RBM24: variants seen among roughly 807,000 people sequenced by gnomAD.
RBM24 encodes the protein RNA binding motif protein 24, also known as RNA-binding protein 24.
Under a neutral mutation model 23.6 loss-of-function variants are expected in RBM24, and 5 were observed. The observed-to-expected ratio is 0.21, with a 90% CI of 0.11 to 0.45. The LOEUF (loss-of-function observed/expected upper bound fraction) is 0.45. RBM24 is among the 20% of genes least tolerant of loss of function. RBM24 has a pLI of 0.99. For missense variants in RBM24, 252 were observed against 314.6 expected (o/e 0.80, Z 1.51); for synonymous variants, 151 against 129.5 (o/e 1.17, Z -1.13).
chr6:17,291,386 T>C (rs1337271057), intron 3 of RBM24, among the ~76,000 whole-genome samples: 1 of 152,242 alleles, frequency 6.6e-6, no homozygotes, highest in Non-Finnish European at 1.5e-5. Flanking sequence ...TCTTATTTTA[T>C]GAACTCATTA....
chr6:17,283,350 C>G (rs1362485321), intron 2 of RBM24, among the ~76,000 whole-genome samples: 1 of 152,188 alleles, frequency 6.6e-6, no homozygotes, highest in African/African-American at 2.4e-5. Flanking sequence ...GTGCTCAGAG[C>G]AGGCAGTCTG....
chr6:17,289,660 T>A, intron 3 of RBM24: 1 of 985,410 alleles, frequency 1.0e-6, no homozygotes, highest in Non-Finnish European at 1.2e-6. Context: ...TACAAGGGGT[T>A]AAGGTTTCGG....
At chr6:17,290,736 G>A in intron 3 of RBM24, 1 of 694,848 alleles carries the variant, frequency 1.4e-6, no homozygotes, top group South Asian at 1.6e-5. Context: ...TCCTTGTTAT[G>A]TAAACCTTTT....
In RBM24 at chr6:17,281,766, G is replaced by A; in HGVS notation, c.168+17G>A. 6.5e-7 allele frequency: 1 copy of A among 1,547,302 alleles called. No individual in the cohort carries two copies. The highest frequency in any genetic ancestry group is 8.7e-7 in the Non-Finnish European group (1 of 1,144,950). ...TATGGATTTGTAAGTTGCACGGACT[G>A]GGGGTGACGGGGAGGGACGGAGTGG... On this transcript the variant is annotated intron_variant, in intron 1 of 3. Transcript: ENST00000379052. This position sits in a 1 kb window ranked among gnomAD's most constrained non-coding sequence, Gnocchi z 7.1.
chr6:17,289,234 A>G, intron 3 of RBM24: 1 of 985,452 alleles, frequency 1.0e-6, no homozygotes, highest in Non-Finnish European at 1.2e-6. Flanking sequence ...CTCCTAATTC[A>G]GGATTTCATT....
intron 3 of RBM24, among the ~76,000 whole-genome samples, chr6:17,290,634 T>A (rs1006012739): frequency 6.6e-6 from 1 of 152,238 alleles, no homozygotes; most frequent in Non-Finnish European, 1.5e-5. Flanking sequence ...GTACAAAATA[T>A]CAACGAATAG....
At chr6:17,291,727 G>A (rs752380196) in intron 3 of RBM24, 29 bp from the exon 4 acceptor site, 6 of 1,578,742 alleles carry the variant, frequency 3.8e-6, no homozygotes, top group East Asian at 2.2e-5. Context: ...GGTGACTACC[G>A]CCTGACTTTG....
rs1760436758 is a variant in RBM24 at position 17,293,647 on chromosome 6, T to C, written c.*1528T>C. ...AAATTGAATACTATTTTACACTGTA[T>C]TGGATTTTTATACTTGAACAATTTC... On this transcript the variant is annotated 3_prime_UTR_variant, in exon 4 of 4. Transcript: ENST00000379052. The C allele has an allele frequency of 6.6e-6, 1 of 152,626 alleles. No homozygotes were observed. The highest frequency in any genetic ancestry group is 6.5e-5 in the Admixed American group (1 of 15,286). 9.5% of individuals were successfully genotyped at this position (152,626 alleles called of 1,614,324 possible). A position where few individuals can be genotyped will look rare whatever the true frequency, so the allele number is the denominator to read the frequency against.
intron 3 of RBM24, chr6:17,284,914 C>T (rs532674259): frequency 9.6e-6 from 4 of 417,250 alleles, no homozygotes; most frequent in Admixed American, 4.3e-5. Context: ...AGCCTCCAAA[C>T]GAGACAAATT....
In RBM24 at chr6:17,286,512, G is replaced by A. The variant is rs79972390; in HGVS notation, c.347+1801G>A. Reference sequence around the variant, plus strand: ...GTTTATTTTTTCACTGTGCCAGTGGGTGATGCAAAATGAGGGAATTGCACA... The same window carrying A: ...GTTTATTTTTTCACTGTGCCAGTGGATGATGCAAAATGAGGGAATTGCACA... On this transcript the variant is annotated intron_variant, in intron 3 of 3. Coordinates refer to ENST00000379052, the MANE Select transcript of RBM24 (RefSeq NM_001143942.2). 7.0e-3 allele frequency among the ~76,000 whole-genome samples: 1,066 copies of A among 152,310 alleles called. 41 individuals are homozygous for A. Among genetic ancestry groups the A allele is most frequent in the Admixed American group, 0.062 (954 of 15,304 alleles).
At chr6:17,284,765 C>A in intron 3 of RBM24, 54 bp downstream of exon 3, 1 of 1,363,624 alleles carries the variant, frequency 7.3e-7, no homozygotes, top group Non-Finnish European at 1.0e-6. Context: ...CATTTGTTAA[C>A]GTGCCTCTTT....
intron 3 of RBM24, among the ~76,000 whole-genome samples, chr6:17,285,337 G>A (rs901193541): frequency 3.9e-5 from 6 of 152,016 alleles, no homozygotes; most frequent in African/African-American, 9.7e-5. Context: ...TCTTTTCCTC[G>A]GGGAAGGGGC....
In RBM24 at chr6:17,292,174, T is replaced by G. The variant is rs761443347; in HGVS notation, c.*55T>G. On this transcript the variant is annotated 3_prime_UTR_variant, in exon 4 of 4. Transcript: ENST00000379052. Reference sequence around the variant, plus strand: ...TTCTCTTTCCCTCCCAATTTTCCAATTTTTAGTAGCTAATAAGAGAGTTAA... The same window carrying G: ...TTCTCTTTCCCTCCCAATTTTCCAAGTTTTAGTAGCTAATAAGAGAGTTAA... The G allele has an allele frequency of 2.1e-6, 3 of 1,453,842 alleles. No individual in the cohort carries two copies. The highest frequency in any genetic ancestry group is 2.7e-6 in the Non-Finnish European group (3 of 1,101,486). The allele number at this position is 1,453,842 out of a possible 1,614,324, so 90.1% of individuals were successfully genotyped here. A position where few individuals can be genotyped will look rare whatever the true frequency, so the allele number is the denominator to read the frequency against.
chr6:17,289,094 T>G, intron 3 of RBM24: 1 of 985,464 alleles, frequency 1.0e-6, no homozygotes, highest in Non-Finnish European at 1.2e-6. Flanking sequence ...CAAAAGTGTC[T>G]TCTTTGCACT....
intron 3 of RBM24, among the ~76,000 whole-genome samples, chr6:17,287,495 C>G (rs1760230656): frequency 6.6e-6 from 1 of 152,116 alleles, no homozygotes. Context: ...GGCTACAGAT[C>G]TGTGAGTAGA....
chr6:17,290,669 C>T (rs1440777143), intron 3 of RBM24, among the ~76,000 whole-genome samples: 1 of 152,086 alleles, frequency 6.6e-6, no homozygotes, highest in African/African-American at 2.4e-5. Flanking sequence ...ATAACACTAA[C>T]GTATTTCTGC....
At chr6:17,282,058 C>T in intron 1 of RBM24, 1 of 1,267,930 alleles carries the variant, frequency 7.9e-7, no homozygotes, top group Non-Finnish European at 1.0e-6. Flanking sequence ...GGGGCCGCAA[C>T]CCTGAACAAT....
chr6:17,284,064 G>A (rs1233662792), intron 2 of RBM24, among the ~76,000 whole-genome samples: 1 of 152,054 alleles, frequency 6.6e-6, no homozygotes, highest in Non-Finnish European at 1.5e-5. Flanking sequence ...CTGAAATTTT[G>A]GGAAGAGGTT....
chr6:17,292,710 A>C lies in RBM24; in HGVS notation c.*591A>C, dbSNP rs570257694. The C allele has an allele frequency of 1.3e-5, 2 of 152,824 alleles. No homozygotes were observed. Among genetic ancestry groups the C allele is most frequent in the Admixed American group, 6.5e-5 (1 of 15,308 alleles). The allele number at this position is 152,824 out of a possible 1,614,324, so 9.5% of individuals were successfully genotyped here. On this transcript the variant is annotated 3_prime_UTR_variant, in exon 4 of 4. Coordinates refer to ENST00000379052, the MANE Select transcript of RBM24 (RefSeq NM_001143942.2). ...CGTGGCAGTGGGTAAAATGGTGGAC[A>C]GGCACCAAAGCTATTTTCTCATCTG...
Sources: allele counts gnomAD v4.1 joint callset (sites outside exome capture counted in the v4.1 genomes callset), GRCh38; gene constraint gnomAD v4.1.1; non-coding constraint Gnocchi (gnomAD v3.1); transcripts MANE v1.5; gene names NCBI Gene and HGNC (gene_info 2026-07-23, HGNC 2026-07-21).